FGD1: variants seen among roughly 807,000 people sequenced by gnomAD.
The protein encoded by FGD1 is FYVE, RhoGEF and PH domain containing 1, also known as FYVE, RhoGEF and PH domain-containing protein 1.
FGD1 carries 12 observed loss-of-function variants against 65.0 expected under a neutral mutation model. The observed-to-expected ratio is 0.18, with a 90% confidence interval of 0.12 to 0.30. The LOEUF (loss-of-function observed/expected upper bound fraction) is 0.30, where lower values mean the gene tolerates loss of function less well. Among genes scored for constraint, FGD1 ranks in the 10% least tolerant of loss-of-function variants. The pLI is 1.00. For synonymous variants in FGD1, 333 were observed against 343.9 expected, an observed-to-expected ratio of 0.97 and a Z score of 0.35; for missense variants, 542 against 837.6, an observed-to-expected ratio of 0.65 and a Z score of 4.36.
intron 1 of FGD1, among the ~76,000 whole-genome samples, chrX:54,489,236 CAG>C (rs1923359800): frequency 8.9e-6 from 1 of 112,572 alleles, no homozygotes; most frequent in Non-Finnish European, 1.9e-5. Context: ...AGGACTTGAA[CAG>C]ACACTTTTCA....
chrX:54,467,687 A>G lies in FGD1; in HGVS notation c.1340+97T>C, dbSNP rs1922797422. On this transcript the variant is annotated intron_variant, in intron 6 of 17. Transcript: ENST00000375135. Reference sequence around the variant, plus strand: ...CCTTTTTCAAAAGTCACTAAGAGGAAGAGCAAGCAGAAATGAAGTCTTGTG... The same window carrying G: ...CCTTTTTCAAAAGTCACTAAGAGGAGGAGCAAGCAGAAATGAAGTCTTGTG... 4.2e-6 allele frequency: 4 copies of G among 944,024 alleles called. No homozygotes were observed. In the South Asian group the frequency reaches 8.4e-5, roughly 20 times the overall value. 77.8% of individuals were successfully genotyped at this position (944,024 alleles called of 1,213,427 possible).
At chrX:54,468,942 G>A in intron 4 of FGD1, 66 bp from the exon 5 acceptor site, 2 of 852,351 alleles carry the variant, frequency 2.3e-6, no homozygotes, top group Non-Finnish European at 3.5e-6. Context: ...CAAGCCCCCA[G>A]AATTCTTAAA....
chrX:54,489,347 C>T (rs779815617), intron 1 of FGD1, among the ~76,000 whole-genome samples: 2 of 112,070 alleles, frequency 1.8e-5, no homozygotes, highest in East Asian at 5.6e-4. Flanking sequence ...TTTGGGAGGC[C>T]GAGGCGGTTG....
At chrX:54,448,738 A>C in intron 16 of FGD1, 68 bp downstream of exon 16, 1 of 1,115,410 alleles carries the variant, frequency 9.0e-7, no homozygotes, top group Non-Finnish European at 1.2e-6. Context: ...GGGCCTCCTC[A>C]GTCTCACTGG....
chrX:54,455,191 T>C (rs1922469280), intron 12 of FGD1, among the ~76,000 whole-genome samples: 1 of 112,484 alleles, frequency 8.9e-6, no homozygotes, highest in Non-Finnish European at 1.9e-5. Context: ...CTTGGTTTAA[T>C]TAGGGAGAGC....
chrX:54,453,024 A>G (rs1292542558), intron 12 of FGD1, among the ~76,000 whole-genome samples: 1 of 111,968 alleles, frequency 8.9e-6, no homozygotes, highest in Non-Finnish European at 1.9e-5. Context: ...AAGGGCAGTA[A>G]AAGTGACTGC....
chrX:54,468,024 C>T (rs1922805176), intron 5 of FGD1, 92 bp from the exon 6 acceptor site: 2 of 839,480 alleles, frequency 2.4e-6, no homozygotes, highest in Non-Finnish European at 3.5e-6. Flanking sequence ...GCTTGTGGAG[C>T]TTTGGGATCA....
chrX:54,471,898 T>C, intron 1 of FGD1, among the ~76,000 whole-genome samples: 2 of 112,161 alleles, frequency 1.8e-5, no homozygotes, highest in Admixed American at 1.9e-4. Flanking sequence ...TGAGAATATC[T>C]AGACTTTCTT....
chrX:54,450,127 G>T, intron 13 of FGD1, 144 bp downstream of exon 13: 1 of 605,491 alleles, frequency 1.7e-6, no homozygotes, highest in Non-Finnish European at 2.8e-6. Flanking sequence ...TTGCTTATCT[G>T]TAAAATGGGG....
chrX:54,466,054 G>A (rs1468809125), intron 6 of FGD1, among the ~76,000 whole-genome samples: 1 of 112,050 alleles, frequency 8.9e-6, no homozygotes, highest in Admixed American at 9.5e-5. Flanking sequence ...ACCACAGCCT[G>A]GGATGCCACC....
intron 1 of FGD1, among the ~76,000 whole-genome samples, chrX:54,472,123 T>G (rs1223938743): frequency 9.1e-6 from 1 of 109,539 alleles, no homozygotes; most frequent in Non-Finnish European, 1.9e-5. Flanking sequence ...ACAAAAAATA[T>G]AAAAGTTAGC....
chrX:54,493,369 T>C (rs1051632487), intron 1 of FGD1, among the ~76,000 whole-genome samples: 2 of 112,023 alleles, frequency 1.8e-5, no homozygotes, highest in Non-Finnish European at 3.8e-5. Context: ...GAGCTCACAT[T>C]CTAGTAGAGG....
At chrX:54,467,026 G>A (rs1455039536) in intron 6 of FGD1, among the ~76,000 whole-genome samples, 1 of 111,620 alleles carries the variant, frequency 9.0e-6, no homozygotes, top group Non-Finnish European at 1.9e-5. Flanking sequence ...TGGGATTACA[G>A]GTGTGAGCCA....
chrX:54,473,894 G>A (rs1922956102), intron 1 of FGD1, among the ~76,000 whole-genome samples: 1 of 110,683 alleles, frequency 9.0e-6, no homozygotes, highest in African/African-American at 3.3e-5. Flanking sequence ...TGAGGCAGGA[G>A]AATCGCTAGA....
At chrX:54,451,094 A>G (rs1327503492) in intron 12 of FGD1, among the ~76,000 whole-genome samples, 2 of 109,921 alleles carry the variant, frequency 1.8e-5, no homozygotes, top group Non-Finnish European at 3.8e-5. Flanking sequence ...AGTTGAGAAA[A>G]GAGGGTAGTT....
chrX:54,476,067 A>AAAACAAAC (rs747677905), intron 1 of FGD1, among the ~76,000 whole-genome samples: 3 of 111,519 alleles, frequency 2.7e-5, no homozygotes, highest in African/African-American at 9.8e-5. Context: ...CTCTGTCTCA[A>AAAACAAAC]AAACAAACAA....
chrX:54,476,533 G>A (rs1400905957), intron 1 of FGD1, among the ~76,000 whole-genome samples: 2 of 108,892 alleles, frequency 1.8e-5, no homozygotes, highest in Non-Finnish European at 3.8e-5. Context: ...AATTTTTTTT[G>A]TAGAGATGGG....
intron 1 of FGD1, among the ~76,000 whole-genome samples, chrX:54,488,184 AACCAGG>A (rs1292539605): frequency 4.5e-5 from 4 of 88,797 alleles, no homozygotes; most frequent in East Asian, 3.8e-4. Context: ...GAATTGCTTG[AACCAGG>A]ACCCGGGAGG....
At chrX:54,474,622 G>A (rs903790661) in intron 1 of FGD1, among the ~76,000 whole-genome samples, 2 of 113,033 alleles carry the variant, frequency 1.8e-5, no homozygotes, top group South Asian at 7.2e-4. Flanking sequence ...CAGCTGTGCC[G>A]CTTACCCTGC....
Sources: allele counts gnomAD v4.1 joint callset (sites outside exome capture counted in the v4.1 genomes callset), GRCh38; gene constraint gnomAD v4.1.1; transcripts MANE v1.5; gene names NCBI Gene and HGNC (gene_info 2026-07-23, HGNC 2026-07-21).